The following GREB1L variants were observed in gnomAD, a reference collection of about 807,000 sequenced individuals.
GREB1L encodes GREB1 like retinoic acid receptor coactivator, also known as GREB1-like protein.
Under a neutral mutation model 200.8 loss-of-function variants are expected in GREB1L, and 17 were observed. The observed-to-expected ratio is 0.08, with a 90% CI of 0.06 to 0.13. The LOEUF is 0.13. Among genes scored for constraint, GREB1L ranks in the 10% least tolerant of loss-of-function variants. The pLI, the probability that GREB1L is intolerant of heterozygous loss-of-function variation, is 1.00. For missense variants in GREB1L, 1,657 were observed against 2,367.7 expected, an observed-to-expected ratio of 0.70 and a Z score of 6.23; for synonymous variants, 789 against 893.0, an observed-to-expected ratio of 0.88 and a Z score of 2.08.
intron 7 of GREB1L, among the ~76,000 whole-genome samples, chr18:21,439,138 G>T (rs2033746373): frequency 6.6e-6 from 1 of 152,032 alleles, no homozygotes; most frequent in African/African-American, 2.4e-5. Flanking sequence ...GGTAAATGTT[G>T]AAATTGGATG....
chr18:21,463,486 G>A (rs753278633), intron 15 of GREB1L, among the ~76,000 whole-genome samples: 36 of 152,066 alleles, frequency 2.4e-4, no homozygotes, highest in Admixed American at 7.2e-4. Flanking sequence ...ATGAAAGATG[G>A]GAACTTCAAA....
At chr18:21,509,633 A>G (rs540777832) in intron 27 of GREB1L, among the ~76,000 whole-genome samples, 1 of 152,304 alleles carries the variant, frequency 6.6e-6, no homozygotes, top group South Asian at 2.1e-4. Context: ...TTATCACTTT[A>G]TATCAAGTGA....
intron 1 of GREB1L, among the ~76,000 whole-genome samples, chr18:21,362,555 T>G (rs1467468204): frequency 6.6e-6 from 1 of 152,210 alleles, no homozygotes; most frequent in Non-Finnish European, 1.5e-5. Context: ...ACATAAATAT[T>G]TGTATCATTT....
At chr18:21,332,195 C>T (rs2039115512) in intron 1 of GREB1L, among the ~76,000 whole-genome samples, 1 of 152,202 alleles carries the variant, frequency 6.6e-6, no homozygotes, top group African/African-American at 2.4e-5. Context: ...TGCTGTTGTA[C>T]TACATTGAAA....
At position 21,524,709 on chromosome 18, in the gene GREB1L, G is replaced by A. The variant is rs1207025472; in HGVS notation, c.*1888G>A. On this transcript the variant is annotated 3_prime_UTR_variant, in exon 33 of 33. Coordinates refer to ENST00000424526, the MANE Select transcript of GREB1L (RefSeq NM_001142966.3). ...TGGCTTTATGACTTCATAGTTTAAA[G>A]AACTTTTTTTTTAAGTAGTTACATC... 1 of 152,020 alleles carries A rather than the reference G, an allele frequency of 6.6e-6. No individual in the cohort carries two copies. Among genetic ancestry groups the A allele is most frequent in the South Asian group, 2.1e-4 (1 of 4,824 alleles). The allele number at this position is 152,020 out of a possible 1,614,324, so 9.4% of individuals were successfully genotyped here. A position where few individuals can be genotyped will look rare whatever the true frequency, so the allele number is the denominator to read the frequency against.
chr18:21,374,909 G>A (rs2040012016), intron 2 of GREB1L, among the ~76,000 whole-genome samples: 1 of 145,320 alleles, frequency 6.9e-6, no homozygotes, highest in South Asian at 2.2e-4. Flanking sequence ...CTGGAGTGCA[G>A]TGGCATGATC....
intron 3 of GREB1L, 42 bp from the exon 4 acceptor site, chr18:21,384,164 C>A: frequency 7.8e-7 from 1 of 1,288,684 alleles, no homozygotes; most frequent in Non-Finnish European, 1.1e-6. Context: ...TTTCCATAAG[C>A]ATCTTTTTAT....
intron 7 of GREB1L, among the ~76,000 whole-genome samples, chr18:21,432,326 A>G (rs1160369269): frequency 6.6e-6 from 1 of 152,162 alleles, no homozygotes; most frequent in Non-Finnish European, 1.5e-5. Context: ...TATTTTTTGT[A>G]ACTGAATTTA....
chr18:21,325,813 CAAAAAA>C (rs60239796), intron 1 of GREB1L, among the ~76,000 whole-genome samples: 12 of 41,654 alleles, frequency 2.9e-4, no homozygotes, highest in Non-Finnish European at 1.8e-4. Context: ...GACCTTGTCT[CAAAAAA>C]AAAAAAAAAA....
At chr18:21,386,503 C>T (rs2040545806) in intron 4 of GREB1L, among the ~76,000 whole-genome samples, 1 of 151,312 alleles carries the variant, frequency 6.6e-6, no homozygotes, top group Non-Finnish European at 1.5e-5. Flanking sequence ...CTTGACCAGG[C>T]TGGTCTTGAA....
intron 14 of GREB1L, 28 bp from the exon 15 acceptor site, chr18:21,454,338 G>A: frequency 6.7e-7 from 1 of 1,488,100 alleles, no homozygotes; most frequent in Admixed American, 2.0e-5. Context: ...AATTAACCTT[G>A]TTCTTATGAC....
At position 21,441,385 on chromosome 18, in the gene GREB1L, CT is replaced by C. The variant is rs201526256; in HGVS notation, c.1070-5del. 776 of 1,377,180 alleles carry C rather than the reference CT, an allele frequency of 5.6e-4. No homozygotes were observed. Among genetic ancestry groups the C allele is most frequent in the Admixed American group, 1.7e-3 (63 of 37,636 alleles). The allele number at this position is 1,377,180 out of a possible 1,614,324, so 85.3% of individuals were successfully genotyped here. ...TTTTCACGCCATCTTTCTTGTCAAA[CT>C]TTTTTTTTTCCAGAGCCCCTTTTAT... On this transcript the variant is annotated splice_polypyrimidine_tract_variant and intron_variant, in intron 9 of 32. Coordinates refer to ENST00000424526, the MANE Select transcript of GREB1L (RefSeq NM_001142966.3).
intron 18 of GREB1L, among the ~76,000 whole-genome samples, chr18:21,486,126 G>A (rs2036118698): frequency 2.0e-5 from 3 of 152,144 alleles, no homozygotes; most frequent in Non-Finnish European, 2.9e-5. Context: ...AGGCCGAGGC[G>A]GGCGGACCAT....
Position 21,446,592 on chromosome 18 carries a change from AAG to A in GREB1L, c.1393+2184_1393+2185del, listed in dbSNP as rs201170626. Among the ~76,000 whole-genome samples, 1,116 of 152,242 alleles carry A rather than the reference AAG, an allele frequency of 7.3e-3. 17 individuals carry two copies. Among genetic ancestry groups the A allele is most frequent in the African/African-American group, 0.025 (1,054 of 41,546 alleles). On this transcript the variant is annotated intron_variant, in intron 11 of 32. Transcript: ENST00000424526. ...AATAGCTATTTCTCTTTTAAAACCT[AAG>A]CTTTGTACATTGAGACATCTCTATC...
intron 19 of GREB1L, among the ~76,000 whole-genome samples, chr18:21,492,735 A>G (rs539544100): frequency 8.5e-5 from 13 of 152,326 alleles, no homozygotes; most frequent in Non-Finnish European, 1.3e-4. Flanking sequence ...TTCTCAAGGC[A>G]GTGACATCTT....
intron 1 of GREB1L, among the ~76,000 whole-genome samples, chr18:21,335,369 A>G (rs2039168595): frequency 6.6e-6 from 1 of 152,188 alleles, no homozygotes; most frequent in Non-Finnish European, 1.5e-5. Flanking sequence ...TAATGTTAAA[A>G]CAATTTGTGA....
chr18:21,443,937 G>A (rs1409705516), intron 10 of GREB1L, among the ~76,000 whole-genome samples: 1 of 152,188 alleles, frequency 6.6e-6, no homozygotes, highest in Non-Finnish European at 1.5e-5. Flanking sequence ...GAACTTTGTG[G>A]AATTTTTTCT....
rs147151717 is a variant in GREB1L at position 21,430,581 on chromosome 18, C to CT, written c.833-8913dup. On this transcript the variant is annotated intron_variant, in intron 7 of 32. Transcript: ENST00000424526. Reference sequence around the variant, plus strand: ...ACTCTTAAGGTGATTGATTTGGGATCTTTTTTTTTTTTTTTTTTTTTTTTT... The same window carrying CT: ...ACTCTTAAGGTGATTGATTTGGGATCTTTTTTTTTTTTTTTTTTTTTTTTTT... 9.6e-3 allele frequency among the ~76,000 whole-genome samples: 578 copies of CT among 60,194 alleles called. 27 individuals are homozygous for CT. Among genetic ancestry groups the CT allele is most frequent in the Non-Finnish European group, 0.013 (422 of 32,290 alleles). 39.5% of individuals were successfully genotyped at this position (60,194 alleles called of 152,430 possible).
chr18:21,436,251 G>C (rs988972453), intron 7 of GREB1L, among the ~76,000 whole-genome samples: 1 of 152,104 alleles, frequency 6.6e-6, no homozygotes, highest in Admixed American at 6.5e-5. Context: ...CAGGACTGAT[G>C]GTATAGAGTA....
Sources: allele counts gnomAD v4.1 joint callset (sites outside exome capture counted in the v4.1 genomes callset), GRCh38; gene constraint gnomAD v4.1.1; transcripts MANE v1.5; gene names NCBI Gene and HGNC (gene_info 2026-07-23, HGNC 2026-07-21).